Variants in NCAPG observed in about 807,000 individuals in gnomAD.
NCAPG encodes the protein condensin complex subunit 3.
NCAPG carries 69 observed loss-of-function variants against 113.1 expected under a neutral mutation model. The ratio of observed to expected loss-of-function variants is 0.61; its 90% CI spans 0.50 to 0.75. The LOEUF is 0.75. NCAPG is among the 30% of genes least tolerant of loss of function. The probability of loss-of-function intolerance (pLI) is 0.00; values close to 1 mark genes in which losing one functional copy is unlikely to be tolerated. For missense variants in NCAPG, 1,058 were observed against 1,177.0 expected (o/e 0.90, Z 1.48); for synonymous variants, 370 against 415.8 (o/e 0.89, Z 1.34).
At chr4:17,823,588 G>A in intron 8 of NCAPG, 59 bp from the exon 9 acceptor site, 2 of 1,463,010 alleles carry the variant, frequency 1.4e-6, no homozygotes, top group Non-Finnish European at 1.9e-6. Flanking sequence ...GTAGGTGAAT[G>A]TTAGAGATAA....
At position 17,823,135 on chromosome 4, in the gene NCAPG, T is replaced by A. The variant is rs1721526947; in HGVS notation, c.1259+12T>A. 1 of 1,599,884 alleles carries A rather than the reference T, an allele frequency of 6.3e-7. No individual in the cohort carries two copies. The highest frequency in any genetic ancestry group is 1.3e-5 in the African/African-American group (1 of 74,344). On this transcript the variant is annotated intron_variant, in intron 8 of 20. Coordinates refer to ENST00000251496, the MANE Select transcript of NCAPG (RefSeq NM_022346.5). ...GAAGAAGGAGGAAGGTATGTCTAAA[T>A]GTTAACACTCATTCTAATTTGCCCT...
rs1283440381 is a variant in NCAPG, at chr4:17,838,404, A to G, written c.2466+603A>G. Among the ~76,000 whole-genome samples the G allele has an allele frequency of 2.0e-5, 3 of 152,332 alleles. No homozygotes were observed. In the East Asian group the frequency reaches 5.8e-4, roughly 29 times the overall value. ...CTACTCTGTTCAATTCATATGTTGTATATTATTGGAAAGATAAGATTACAA... is the reference window on the plus strand; with the variant it reads ...CTACTCTGTTCAATTCATATGTTGTGTATTATTGGAAAGATAAGATTACAA... On this transcript the variant is annotated intron_variant, in intron 16 of 20. Transcript: ENST00000251496.
intron 7 of NCAPG, 137 bp from the exon 8 acceptor site, chr4:17,822,846 A>G: frequency 1.8e-6 from 1 of 545,312 alleles, no homozygotes; most frequent in Non-Finnish European, 3.0e-6. Context: ...TTGAGTTTGT[A>G]GACCAAATTA....
chr4:17,822,256 C>T (rs886215586), intron 7 of NCAPG, among the ~76,000 whole-genome samples: 3 of 136,500 alleles, frequency 2.2e-5, no homozygotes, highest in Non-Finnish European at 4.6e-5. Context: ...TGCAGTGGTG[C>T]GATCTCGGCT....
chr4:17,813,267 T>C (rs1721070771), intron 3 of NCAPG, 122 bp downstream of exon 3: 2 of 793,754 alleles, frequency 2.5e-6, no homozygotes, highest in Non-Finnish European at 3.7e-6. Flanking sequence ...ATGATTCCGA[T>C]TAAACAAAAA....
At chr4:17,815,567 C>T (rs1721167484) in intron 5 of NCAPG, among the ~76,000 whole-genome samples, 1 of 152,158 alleles carries the variant, frequency 6.6e-6, no homozygotes, top group Admixed American at 6.6e-5. Context: ...CTCTATCACC[C>T]AGACTGGAGT....
intron 8 of NCAPG, 130 bp from the exon 9 acceptor site, chr4:17,823,517 T>C (rs957104010): frequency 1.3e-6 from 1 of 754,506 alleles, no homozygotes; most frequent in African/African-American, 1.8e-5. Context: ...CAGATTTTTG[T>C]ACCTATTATA....
intron 3 of NCAPG, 144 bp downstream of exon 3, chr4:17,813,289 G>A: frequency 1.7e-6 from 1 of 584,186 alleles, no homozygotes; most frequent in East Asian, 3.2e-5. Context: ...AACCTAAGTA[G>A]CAACCACCCA....
chr4:17,814,759 A>C, intron 3 of NCAPG, 94 bp from the exon 4 acceptor site: 3 of 1,358,808 alleles, frequency 2.2e-6, no homozygotes, highest in Middle Eastern at 2.6e-4. Context: ...TTATCACATT[A>C]AAGGCATTTT....
chr4:17,813,407 TA>T (rs1721074890), intron 3 of NCAPG: 15 of 250,512 alleles, frequency 6.0e-5, no homozygotes, highest in Middle Eastern at 1.3e-3. Context: ...TTGCTTAAAT[TA>T]AAAAAAATTT....
rs1447987368 is a variant in NCAPG, at chr4:17,811,076, C to T, written c.-2C>T. The stretch of plus-strand genomic sequence containing the variant: ...GACTCGTCCCGGCAGGGTTCCAGAG[C>T]CATGGGAGCGGAAAGGAGGCTGCTG... On this transcript the variant is annotated 5_prime_UTR_variant, in exon 1 of 21. Transcript: ENST00000251496. This position sits in a 1 kb window ranked among gnomAD's most constrained non-coding sequence, Gnocchi z 5.3. The T allele has an allele frequency of 2.7e-6, 4 of 1,504,316 alleles. No homozygotes were observed. The South Asian group carries it at 3.8e-5, about 14-fold the overall frequency. 93.2% of individuals were successfully genotyped at this position (1,504,316 alleles called of 1,614,324 possible). A position where few individuals can be genotyped will look rare whatever the true frequency, so the allele number is the denominator to read the frequency against.
At position 17,811,042 on chromosome 4, in the gene NCAPG, C is replaced by A; in HGVS notation, c.-36C>A. The A allele has an allele frequency of 2.2e-6, 3 of 1,343,974 alleles. No individual in the cohort carries two copies. The highest frequency in any genetic ancestry group is 2.0e-6 in the Non-Finnish European group (2 of 1,004,800). The allele number at this position is 1,343,974 out of a possible 1,614,324, so 83.3% of individuals were successfully genotyped here. ...GGCGGGCTGGCAGGCTGTAGCCGAGCGCGGGCAGGACTCGTCCCGGCAGGG... is the reference window on the plus strand; with the variant it reads ...GGCGGGCTGGCAGGCTGTAGCCGAGAGCGGGCAGGACTCGTCCCGGCAGGG... On this transcript the variant is annotated 5_prime_UTR_variant, in exon 1 of 21. Coordinates refer to ENST00000251496, the MANE Select transcript of NCAPG (RefSeq NM_022346.5). This position sits in a 1 kb window ranked among gnomAD's most constrained non-coding sequence, Gnocchi z 5.3.
chr4:17,823,164 A>G lies in NCAPG; in HGVS notation c.1259+41A>G, dbSNP rs574732345. The G allele has an allele frequency of 3.9e-6, 6 of 1,547,048 alleles. No homozygotes were observed. The South Asian group carries it at 7.0e-5, about 18-fold the overall frequency. On this transcript the variant is annotated intron_variant, in intron 8 of 20. Transcript: ENST00000251496. Reference sequence around the variant, plus strand: ...AACACTCATTCTAATTTGCCCTTCTAATTTCTTATATTGAAATATAGTCCT... The same window carrying G: ...AACACTCATTCTAATTTGCCCTTCTGATTTCTTATATTGAAATATAGTCCT...
At chr4:17,823,925 T>C (rs2109052062) in intron 9 of NCAPG, among the ~76,000 whole-genome samples, 155 bp downstream of exon 9, 1 of 152,288 alleles carries the variant, frequency 6.6e-6, no homozygotes, top group African/African-American at 2.4e-5. Flanking sequence ...ATCTATCTCT[T>C]ACATACACAG....
chr4:17,820,537 G>A (rs959158923), intron 7 of NCAPG, among the ~76,000 whole-genome samples: 2 of 152,110 alleles, frequency 1.3e-5, no homozygotes, highest in Non-Finnish European at 2.9e-5. Context: ...GGGAGGTGGA[G>A]CTTGCAATGA....
intron 9 of NCAPG, among the ~76,000 whole-genome samples, chr4:17,824,085 A>G (rs1405194165): frequency 6.6e-6 from 1 of 152,092 alleles, no homozygotes; most frequent in Non-Finnish European, 1.5e-5. Flanking sequence ...AGCTTACTCA[A>G]ATTGTACATA....
In NCAPG at chr4:17,834,315, A is replaced by G; in HGVS notation, c.1901A>G (p.Asp634Gly). The G allele has an allele frequency of 6.3e-7, 1 of 1,588,256 alleles. No individual in the cohort carries two copies. Among genetic ancestry groups the G allele is most frequent in the Non-Finnish European group, 8.6e-7 (1 of 1,168,030 alleles). ...TTGATTTAGGTTTTGCAAATTGATG[A>G]TGTCACAATAAAAATAAGTGCTTTA... Reference protein sequence around the residue: ...VLLLQVLQIDDVTIKISALKA... With the variant: ...VLLLQVLQIDGVTIKISALKA... The change falls in exon 14 of 21, where the codon GAT becomes GGT. Residue 634 changes from aspartate to glycine, a missense_variant. Physicochemically the swap from Asp to Gly is moderately conservative, Grantham distance 94. Coordinates refer to ENST00000251496, the MANE Select transcript of NCAPG (RefSeq NM_022346.5).
chr4:17,837,646 G>A lies in NCAPG; in HGVS notation c.2311G>A (p.Glu771Lys). 1 of 1,613,568 alleles carries A rather than the reference G, an allele frequency of 6.2e-7. No homozygotes were observed. Among genetic ancestry groups the A allele is most frequent in the Non-Finnish European group, 8.5e-7 (1 of 1,179,836 alleles). The change falls in exon 16 of 21, where the codon GAA becomes AAA. Residue 771 changes from glutamate (E) to lysine (K), a missense_variant. By Grantham distance (56) the Glu-to-Lys change is moderately conservative (BLOSUM62 1). Coordinates refer to ENST00000251496, the MANE Select transcript of NCAPG (RefSeq NM_022346.5). ...YASRTNQECFEEAFLPTLQTL... is the reference protein window; with the variant it reads ...YASRTNQECFKEAFLPTLQTL... Reference sequence around the variant, plus strand: ...CAATAGGACTAATCAGGAATGCTTTGAAGAAGCTTTTCTTCCAACCCTGCA... The same window carrying A: ...CAATAGGACTAATCAGGAATGCTTTAAAGAAGCTTTTCTTCCAACCCTGCA...
rs1721627677 is a variant in NCAPG, at chr4:17,825,516, G to C, written c.1608G>C (p.Leu536Phe). 7 of 1,602,184 alleles carry C rather than the reference G, an allele frequency of 4.4e-6. No homozygotes were observed. The highest frequency in any genetic ancestry group is 5.1e-6 in the Non-Finnish European group (6 of 1,176,676). ...KALEDARINL[L>F]KETEQLEIKE... ...TAGAAGATGCCAGAATAAACCTTTTGAAAGAGACAGAGCAACTTGAAATTA... is the reference window on the plus strand; with the variant it reads ...TAGAAGATGCCAGAATAAACCTTTTCAAAGAGACAGAGCAACTTGAAATTA... Residue 536 changes from leucine to phenylalanine, a missense_variant, in exon 11 of 21, where the codon TTG (leucine) becomes TTC (phenylalanine). Leu to Phe is a conservative substitution (Grantham distance 22). Transcript: ENST00000251496.
Sources: gnomAD v4.1 joint callset for allele counts (sites outside exome capture counted in the v4.1 genomes callset) on GRCh38, gnomAD v4.1.1 for gene constraint, Gnocchi (gnomAD v3.1) non-coding constraint, MANE v1.5 for transcripts, NCBI Gene and HGNC (gene_info 2026-07-23, HGNC 2026-07-21) for gene names.